Variants in MAST2 observed in about 807,000 individuals in gnomAD.
The protein encoded by MAST2 is microtubule-associated serine/threonine-protein kinase 2.
MAST2 carries 70 observed loss-of-function variants against 147.4 expected under a neutral mutation model. That is an observed-to-expected ratio of 0.47 (90% CI 0.39 to 0.58). MAST2 has a LOEUF of 0.58. Among genes scored for constraint, MAST2 ranks in the 20% least tolerant of loss-of-function variants. MAST2 has a pLI of 0.00. For synonymous variants in MAST2, 869 were observed against 896.8 expected, an observed-to-expected ratio of 0.97 and a Z score of 0.55; for missense variants, 2,080 against 2,302.3, an observed-to-expected ratio of 0.90 and a Z score of 1.98.
chr1:45,812,383 A>C (rs959116911), intron 1 of MAST2, among the ~76,000 whole-genome samples: 3 of 147,296 alleles, frequency 2.0e-5, no homozygotes, highest in African/African-American at 7.6e-5. Context: ...TTTTCCCATC[A>C]TTGTTCTGGA....
intron 4 of MAST2, among the ~76,000 whole-genome samples, chr1:45,914,882 A>C (rs1652227668): frequency 2.0e-5 from 3 of 152,154 alleles, no homozygotes; most frequent in Non-Finnish European, 4.4e-5. Flanking sequence ...ACTTGTTAAC[A>C]AAATTAAAAA....
At chr1:45,896,744 C>A (rs1648807747) in intron 4 of MAST2, among the ~76,000 whole-genome samples, 1 of 152,156 alleles carries the variant, frequency 6.6e-6, no homozygotes, top group Non-Finnish European at 1.5e-5. Context: ...AGATTAAAAC[C>A]AGTATGTATA....
At chr1:45,811,055 T>G (rs1257459781) in intron 1 of MAST2, among the ~76,000 whole-genome samples, 2 of 151,660 alleles carry the variant, frequency 1.3e-5, no homozygotes, top group Non-Finnish European at 2.9e-5. Flanking sequence ...TTTTCCATGT[T>G]GGTCAGGCTG....
chr1:45,847,498 C>T, intron 3 of MAST2: 3 of 776,136 alleles, frequency 3.9e-6, no homozygotes, highest in Admixed American at 4.5e-5. Context: ...TTCAATTTTT[C>T]CTTTTTTTCT....
intron 26 of MAST2, 52 bp downstream of exon 26, chr1:46,032,770 A>G (rs1212132867): frequency 1.9e-6 from 3 of 1,583,500 alleles, no homozygotes; most frequent in Non-Finnish European, 2.6e-6. Context: ...TCAGCCTGTG[A>G]GTCTGTGATG....
At chr1:45,847,064 G>T in intron 3 of MAST2, 1 of 429,790 alleles carries the variant, frequency 2.3e-6, no homozygotes, top group South Asian at 1.9e-5. Flanking sequence ...CTAAATCTTG[G>T]TCTGTAGTTA....
rs565782729 is a variant in MAST2 at position 45,931,970 on chromosome 1, C to T, written c.501-27416C>T. Among the ~76,000 whole-genome samples, 20 of 152,300 alleles carry T rather than the reference C, an allele frequency of 1.3e-4. No individual in the cohort carries two copies. In the East Asian group the frequency reaches 3.7e-3, roughly 28 times the overall value. ...CCTCCCAAAGGGCTGGGATTACAGG[C>T]GTGAGCTACTGCACCCAGCAATGTT... On this transcript the variant is annotated intron_variant, in intron 4 of 28. Transcript: ENST00000361297.
chr1:45,984,940 A>G (rs1644553728), intron 5 of MAST2, among the ~76,000 whole-genome samples: 1 of 152,156 alleles, frequency 6.6e-6, no homozygotes, highest in Non-Finnish European at 1.5e-5. Flanking sequence ...AAGGTAAAAA[A>G]TTTTGTACCA....
intron 4 of MAST2, among the ~76,000 whole-genome samples, chr1:45,942,509 T>A (rs970055077): frequency 1.1e-4 from 17 of 152,196 alleles, no homozygotes; most frequent in African/African-American, 3.9e-4. Context: ...CCATTTCATT[T>A]ATTTTTTATT....
At chr1:45,844,558 A>C (rs1260578480) in intron 3 of MAST2, among the ~76,000 whole-genome samples, 7 of 152,118 alleles carry the variant, frequency 4.6e-5, no homozygotes, top group African/African-American at 1.7e-4. Context: ...TGCTGAGATT[A>C]TAGGTGTGAG....
chr1:46,008,337 T>C lies in MAST2; in HGVS notation c.944T>C (p.Met315Thr), dbSNP rs1272703368. The change falls in exon 9 of 29, where the codon ATG (methionine) becomes ACG (threonine). Residue 315 changes from methionine (M) to threonine (T), a missense_variant. This residue lies in a region of MAST2 where 569 missense variants were observed against 642.5 expected (regional missense o/e 0.89). Transcript: ENST00000361297. ...SPVSFDSEII[M>T]MNHVYKERFP... ...GTATCCTTTGACAGTGAAATAATAA[T>C]GATGAATCATGTTTACAAAGAAAGA... 1 of 1,612,804 alleles carries C rather than the reference T, an allele frequency of 6.2e-7. No individual in the cohort carries two copies. The highest frequency in any genetic ancestry group is 8.5e-7 in the Non-Finnish European group (1 of 1,178,774).
intron 4 of MAST2, among the ~76,000 whole-genome samples, chr1:45,915,603 G>A (rs1327132292): frequency 4.0e-5 from 6 of 151,744 alleles, no homozygotes; most frequent in Non-Finnish European, 5.9e-5. Flanking sequence ...CCAGCTACTC[G>A]GGAGGCTGAG....
intron 26 of MAST2, among the ~76,000 whole-genome samples, chr1:46,033,005 G>T (rs1646742827): frequency 6.6e-6 from 1 of 151,134 alleles, no homozygotes; most frequent in Non-Finnish European, 1.5e-5. Flanking sequence ...ATGCCTGGGT[G>T]TGGTGGCTCA....
At chr1:45,979,369 C>T (rs1034127264) in intron 5 of MAST2, among the ~76,000 whole-genome samples, 4 of 151,296 alleles carry the variant, frequency 2.6e-5, no homozygotes, top group Non-Finnish European at 4.4e-5. Flanking sequence ...CTGCTAAAAT[C>T]GATTCTTAAA....
chr1:45,962,783 C>T (rs1660621852), intron 5 of MAST2, among the ~76,000 whole-genome samples: 1 of 152,134 alleles, frequency 6.6e-6, no homozygotes, highest in Non-Finnish European at 1.5e-5. Flanking sequence ...TAATTAGATC[C>T]CATTTGTCAA....
intron 16 of MAST2, 95 bp from the exon 17 acceptor site, chr1:46,027,636 A>T (rs1183603857): frequency 2.2e-6 from 3 of 1,370,484 alleles, no homozygotes; most frequent in Middle Eastern, 2.4e-4. Context: ...CAGTACCCCC[A>T]TGGAAGCCTG....
Position 46,031,022 on chromosome 1 carries a change from G to C in MAST2, c.2724G>C (p.Leu908=). The part of the protein sequence containing the change: ...IGSPEILRKR[L]SVSESSHTES... Reference sequence around the variant, plus strand: ...TGTCTCATAGATTACGGAAGCGGCTGTCGGTGTCTGAGTCATCCCACACAG... The same window carrying C: ...TGTCTCATAGATTACGGAAGCGGCTCTCGGTGTCTGAGTCATCCCACACAG... The change falls in exon 23 of 29, where the codon CTG becomes CTC. Residue 908 remains leucine (L), a synonymous_variant. Transcript: ENST00000361297. The surrounding 1 kb of genome is among the most constrained non-coding windows in gnomAD (Gnocchi z 4.1). 1 of 1,613,596 alleles carries C rather than the reference G, an allele frequency of 6.2e-7. No homozygotes were observed. The highest frequency in any genetic ancestry group is 1.1e-5 in the South Asian group (1 of 91,018).
At chr1:45,994,927 C>G (rs1644995550) in intron 5 of MAST2, among the ~76,000 whole-genome samples, 1 of 151,968 alleles carries the variant, frequency 6.6e-6, no homozygotes. Context: ...CAAGCTCCAC[C>G]TCCTGGGTTC....
At chr1:45,849,307 G>A (rs899785681) in intron 3 of MAST2, among the ~76,000 whole-genome samples, 2 of 152,068 alleles carry the variant, frequency 1.3e-5, no homozygotes, top group African/African-American at 4.8e-5. Flanking sequence ...AAAACTGGGG[G>A]CCTCACGTTA....
Sources: allele counts gnomAD v4.1 joint callset (sites outside exome capture counted in the v4.1 genomes callset), GRCh38; gene constraint gnomAD v4.1.1; regional missense constraint gnomAD v4.1.1; non-coding constraint Gnocchi (gnomAD v3.1); transcripts MANE v1.5; gene names NCBI Gene and HGNC (gene_info 2026-07-23, HGNC 2026-07-21).